Variants in TJAP1 observed in about 807,000 individuals in gnomAD.
TJAP1 encodes the protein tight junction-associated protein 1.
In TJAP1, 27 loss-of-function variants were observed where a neutral mutation model predicts 42.0. That is an observed-to-expected ratio of 0.64 (90% CI 0.47 to 0.89). The LOEUF (loss-of-function observed/expected upper bound fraction) is 0.89. Among genes scored for constraint, TJAP1 ranks in the 40% least tolerant of loss-of-function variants. The pLI is 0.00. For missense variants in TJAP1, 712 were observed against 726.9 expected, an observed-to-expected ratio of 0.98 and a Z score of 0.24; for synonymous variants, 257 against 288.4, an observed-to-expected ratio of 0.89 and a Z score of 1.10.
rs942835974 is a variant in TJAP1, at chr6:43,505,312, C to T, written c.1131C>T (p.Ser377=). ...GGGCCCGCCCCAGCCCAGTGCCCAGCACCCCTGCCTCAGCCCAGGCCTCAC... is the reference window on the plus strand; with the variant it reads ...GGGCCCGCCCCAGCCCAGTGCCCAGTACCCCTGCCTCAGCCCAGGCCTCAC... Residue 377 remains serine (S), a synonymous_variant, in exon 11 of 11, where the codon AGC becomes AGT. Transcript: ENST00000372449. This position sits in a 1 kb window ranked among gnomAD's most constrained non-coding sequence, Gnocchi z 5.5. The T allele has an allele frequency of 1.2e-6, 2 of 1,610,644 alleles. No individual in the cohort carries two copies. Among genetic ancestry groups the T allele is most frequent in the South Asian group, 1.1e-5 (1 of 91,040 alleles).
intron 2 of TJAP1, among the ~76,000 whole-genome samples, chr6:43,479,429 C>T (rs191662085): frequency 1.2e-3 from 188 of 152,296 alleles, no homozygotes; most frequent in Non-Finnish European, 1.3e-3. Context: ...GAGGACAATT[C>T]GTGCCCCCTT....
At chr6:43,486,162 G>A (rs907318962) in intron 2 of TJAP1, among the ~76,000 whole-genome samples, 1 of 151,324 alleles carries the variant, frequency 6.6e-6, no homozygotes, top group Non-Finnish European at 1.5e-5. Flanking sequence ...ACGGGGTTTC[G>A]CCATTTTGGC....
intron 2 of TJAP1, among the ~76,000 whole-genome samples, chr6:43,486,762 C>G (rs1786633095): frequency 6.6e-6 from 1 of 152,148 alleles, no homozygotes; most frequent in African/African-American, 2.4e-5. Flanking sequence ...CCACTGTAAC[C>G]TGCTTGCTTT....
At chr6:43,488,839 G>A (rs1391562230) in intron 2 of TJAP1, among the ~76,000 whole-genome samples, 1 of 152,166 alleles carries the variant, frequency 6.6e-6, no homozygotes, top group Non-Finnish European at 1.5e-5. Context: ...TGAGCTCTTG[G>A]GCTGTAGTCA....
intron 2 of TJAP1, among the ~76,000 whole-genome samples, chr6:43,489,291 TGA>T (rs937380350): frequency 3.3e-5 from 5 of 152,220 alleles, no homozygotes; most frequent in African/African-American, 1.2e-4. Flanking sequence ...TTGCTTGTTC[TGA>T]GAGGGGAGAA....
At chr6:43,485,828 T>C (rs1028824725) in intron 2 of TJAP1, among the ~76,000 whole-genome samples, 4 of 152,228 alleles carry the variant, frequency 2.6e-5, no homozygotes, top group African/African-American at 9.6e-5. Flanking sequence ...TTTTGCACCC[T>C]CAGGAAGGAA....
intron 2 of TJAP1, among the ~76,000 whole-genome samples, chr6:43,487,116 C>T (rs551422540): frequency 9.9e-5 from 15 of 152,212 alleles, no homozygotes; most frequent in Admixed American, 2.0e-4. Flanking sequence ...GGGACCTCTT[C>T]TTTGTTAGTT....
At chr6:43,480,980 CT>C (rs997711672) in intron 2 of TJAP1, among the ~76,000 whole-genome samples, 9 of 151,312 alleles carry the variant, frequency 5.9e-5, no homozygotes, top group Admixed American at 2.0e-4. Flanking sequence ...AGCAGTTGAG[CT>C]TTTTTTTTCT....
chr6:43,485,440 A>G (rs1322521478), intron 2 of TJAP1, among the ~76,000 whole-genome samples: 1 of 152,218 alleles, frequency 6.6e-6, no homozygotes, highest in Non-Finnish European at 1.5e-5. Context: ...AACAAACACC[A>G]AATGAATTTC....
chr6:43,494,160 C>T (rs549408821), intron 2 of TJAP1, among the ~76,000 whole-genome samples: 2 of 152,282 alleles, frequency 1.3e-5, no homozygotes, highest in Non-Finnish European at 1.5e-5. Context: ...CGGCAACAGG[C>T]GGCCTGCACC....
chr6:43,502,732 TC>T (rs1379585285), intron 8 of TJAP1, 115 bp downstream of exon 8: 9 of 1,201,828 alleles, frequency 7.5e-6, no homozygotes, highest in African/African-American at 1.5e-5. Context: ...CGCTCCTTTC[TC>T]TTCCCTGTAT....
chr6:43,500,350 C>T (rs1390115259), intron 4 of TJAP1, among the ~76,000 whole-genome samples: 2 of 152,176 alleles, frequency 1.3e-5, no homozygotes, highest in South Asian at 2.1e-4. Context: ...GCTCAGAACT[C>T]GTGTGTATAG....
At position 43,501,600 on chromosome 6, in the gene TJAP1, G is replaced by A. The variant is rs183687141; in HGVS notation, c.203G>A (p.Arg68His). The change falls in exon 6 of 11, where the codon CGT becomes CAT. Residue 68 changes from arginine (R) to histidine (H), a missense_variant. This residue lies in a region of TJAP1 where 158 missense variants were observed against 182.1 expected (regional missense o/e 0.87). Coordinates refer to ENST00000372449, the Ensembl canonical transcript of TJAP1. ...ACCAGACGCACTGAGGCCCTGGAAC[G>A]TGAGCTGGAAATTGGGCAGGACTGC... 22 of 1,614,004 alleles carry A rather than the reference G, an allele frequency of 1.4e-5. No individual in the cohort carries two copies. In the East Asian group the frequency reaches 4.0e-4, roughly 29 times the overall value.
At chr6:43,497,564 A>G (rs1789491131) in intron 2 of TJAP1, 1 of 152,118 alleles carries the variant, frequency 6.6e-6, no homozygotes, top group Admixed American at 6.6e-5. Context: ...GGCTTGGGAG[A>G]TGAGGACCGA....
intron 7 of TJAP1, 73 bp from the exon 8 acceptor site, chr6:43,502,515 T>C (rs1791167179): frequency 6.5e-7 from 1 of 1,535,246 alleles, no homozygotes; most frequent in African/African-American, 1.4e-5. Context: ...ACTGTCTTAA[T>C]GCTCACACTG....
chr6:43,480,718 A>G (rs1445218771), intron 2 of TJAP1, among the ~76,000 whole-genome samples: 3 of 152,012 alleles, frequency 2.0e-5, no homozygotes, highest in Non-Finnish European at 4.4e-5. Context: ...GTTTCACCGC[A>G]TTGGTCATGC....
rs116251158 is a variant in TJAP1, at chr6:43,503,748, C to T, written c.579+42C>T. On this transcript the variant is annotated intron_variant, in intron 10 of 10. Coordinates refer to ENST00000372449, the Ensembl canonical transcript of TJAP1. ...CCCTCCCTGCCCACATAGACCATTC[C>T]GGCCACTGTAGGACTCCTCTAACTC... 6,712 of 1,566,758 alleles carry T rather than the reference C, an allele frequency of 4.3e-3. 31 individuals are homozygous for T. The highest frequency in any genetic ancestry group is 5.1e-3 in the Non-Finnish European group (5,800 of 1,136,914).
chr6:43,501,362 A>G (rs1196771097), intron 5 of TJAP1, 164 bp from the exon 6 acceptor site: 3 of 648,894 alleles, frequency 4.6e-6, no homozygotes, highest in Non-Finnish European at 8.0e-6. Flanking sequence ...CAGCAGGCCT[A>G]TGAAATATGC....
At chr6:43,503,483 C>T in exon 9 of TJAP1, 1 of 1,614,134 alleles carries the variant, frequency 6.2e-7, no homozygotes, top group Non-Finnish European at 8.5e-7. Flanking sequence ...GCCAAGAACA[C>T]CATCAACAAG....
Sources: gnomAD v4.1 joint callset for allele counts (sites outside exome capture counted in the v4.1 genomes callset) on GRCh38, gnomAD v4.1.1 for gene constraint, gnomAD v4.1.1 regional missense constraint, Gnocchi (gnomAD v3.1) non-coding constraint, MANE v1.5 for transcripts, NCBI Gene and HGNC (gene_info 2026-07-23, HGNC 2026-07-21) for gene names.